PDZRN4: variants seen among roughly 807,000 people sequenced by gnomAD.
PDZRN4 encodes PDZ domain containing ring finger 4.
PDZRN4 carries 70 observed loss-of-function variants against 99.0 expected under a neutral mutation model. The observed-to-expected ratio is 0.71, with a 90% CI of 0.58 to 0.86. PDZRN4 has a LOEUF of 0.86. Among genes scored for constraint, PDZRN4 ranks in the 40% least tolerant of loss-of-function variants. The pLI is 0.00. For synonymous variants in PDZRN4, 551 were observed against 501.6 expected (o/e 1.10, Z -1.32); for missense variants, 1,474 against 1,331.2 (o/e 1.11, Z -1.67).
chr12:41,227,247 G>C (rs1004371856), intron 3 of PDZRN4, among the ~76,000 whole-genome samples: 6 of 152,256 alleles, frequency 3.9e-5, no homozygotes, highest in African/African-American at 1.4e-4. Flanking sequence ...GATTAAGTTT[G>C]AGGTTTGTTC....
chr12:41,540,331 G>A (rs1938826111), intron 5 of PDZRN4, among the ~76,000 whole-genome samples: 1 of 152,106 alleles, frequency 6.6e-6, no homozygotes, highest in Admixed American at 6.6e-5. Context: ...TGTATTTTAG[G>A]GGTGTTATAG....
chr12:41,471,183 T>C (rs1224888162), intron 3 of PDZRN4, among the ~76,000 whole-genome samples: 1 of 152,206 alleles, frequency 6.6e-6, no homozygotes, highest in African/African-American at 2.4e-5. Context: ...CAGCCTCCCT[T>C]AAGCAACTTA....
At chr12:41,525,852 A>C (rs763994385) in intron 5 of PDZRN4, among the ~76,000 whole-genome samples, 141 of 152,206 alleles carry the variant, frequency 9.3e-4, no homozygotes, top group Non-Finnish European at 1.3e-3. Flanking sequence ...TCAAAAAAAA[A>C]AATTCAAATT....
intron 5 of PDZRN4, among the ~76,000 whole-genome samples, chr12:41,545,012 C>T (rs1161233562): frequency 2.6e-5 from 4 of 152,222 alleles, no homozygotes; most frequent in Admixed American, 6.5e-5. Context: ...ACACTGCTTG[C>T]ATTCAAGCCC....
chr12:41,292,398 A>G (rs186306622), intron 3 of PDZRN4, among the ~76,000 whole-genome samples: 41 of 152,306 alleles, frequency 2.7e-4, no homozygotes, highest in Non-Finnish European at 5.4e-4. Flanking sequence ...AAGAGAAAAA[A>G]TGGCAAAGGT....
intron 3 of PDZRN4, among the ~76,000 whole-genome samples, chr12:41,303,929 C>G (rs1324789989): frequency 3.9e-5 from 6 of 152,134 alleles, no homozygotes; most frequent in Non-Finnish European, 8.8e-5. Context: ...TCATTTGACT[C>G]TTGTTTTAGT....
intron 3 of PDZRN4, among the ~76,000 whole-genome samples, chr12:41,206,571 G>A (rs1005838748): frequency 1.8e-4 from 27 of 150,064 alleles, no homozygotes; most frequent in African/African-American, 6.2e-4. Context: ...TTATTAAGGA[G>A]CTTAGAAATC....
At chr12:41,324,949 A>G (rs192348468) in intron 3 of PDZRN4, among the ~76,000 whole-genome samples, 1 of 152,170 alleles carries the variant, frequency 6.6e-6, no homozygotes, top group African/African-American at 2.4e-5. Flanking sequence ...ATTTGAAATT[A>G]CATATGTGGC....
At chr12:41,281,963 T>C (rs1395326429) in intron 3 of PDZRN4, among the ~76,000 whole-genome samples, 1 of 152,170 alleles carries the variant, frequency 6.6e-6, no homozygotes, top group Non-Finnish European at 1.5e-5. Flanking sequence ...AACTGCATCA[T>C]CTAATGGGCA....
chr12:41,229,518 C>A (rs187971768), intron 3 of PDZRN4, among the ~76,000 whole-genome samples: 1 of 152,150 alleles, frequency 6.6e-6, no homozygotes, highest in Admixed American at 6.6e-5. Context: ...TTGACCCAGA[C>A]CCCACTCCCT....
At chr12:41,380,804 AT>A (rs1952119581) in intron 3 of PDZRN4, among the ~76,000 whole-genome samples, 1 of 152,070 alleles carries the variant, frequency 6.6e-6, no homozygotes, top group East Asian at 1.9e-4. Flanking sequence ...ATCTAACTCT[AT>A]ATTTACCTTA....
chr12:41,222,663 T>G (rs1050420271), intron 3 of PDZRN4, among the ~76,000 whole-genome samples: 3 of 152,008 alleles, frequency 2.0e-5, no homozygotes, highest in African/African-American at 7.2e-5. Context: ...GGATTACAAT[T>G]ACAGGTGCAC....
chr12:41,416,516 G>A (rs1952446671), intron 3 of PDZRN4, among the ~76,000 whole-genome samples: 2 of 151,988 alleles, frequency 1.3e-5, no homozygotes, highest in African/African-American at 4.8e-5. Context: ...AGCTGTGGGG[G>A]CAGTCACCTG....
chr12:41,379,946 A>G (rs912355079), intron 3 of PDZRN4, among the ~76,000 whole-genome samples: 3 of 151,896 alleles, frequency 2.0e-5, no homozygotes, highest in Non-Finnish European at 2.9e-5. Flanking sequence ...TACTATTAAA[A>G]TTTCCTACTA....
chr12:41,223,408 C>G (rs1368476431), intron 3 of PDZRN4, among the ~76,000 whole-genome samples: 1 of 152,064 alleles, frequency 6.6e-6, no homozygotes, highest in East Asian at 1.9e-4. Flanking sequence ...TCTCCCCCTA[C>G]CCAGCCCATC....
At chr12:41,420,477 T>G (rs1289074664) in intron 3 of PDZRN4, among the ~76,000 whole-genome samples, 1 of 152,116 alleles carries the variant, frequency 6.6e-6, no homozygotes, top group Admixed American at 6.6e-5. Flanking sequence ...GTCCCATTCC[T>G]CATTCAACTC....
chr12:41,224,395 C>G (rs1591974989), intron 3 of PDZRN4, among the ~76,000 whole-genome samples: 1 of 152,140 alleles, frequency 6.6e-6, no homozygotes, highest in African/African-American at 2.4e-5. Flanking sequence ...TTTTTTGTTG[C>G]AGTCTTGTAC....
At chr12:41,515,661 T>C (rs1460875420) in intron 5 of PDZRN4, among the ~76,000 whole-genome samples, 5 of 152,044 alleles carry the variant, frequency 3.3e-5, no homozygotes, top group Admixed American at 6.6e-5. Flanking sequence ...AGTGATCATA[T>C]ATCGGAGCTA....
At chr12:41,282,322 C>T (rs1951391809) in intron 3 of PDZRN4, among the ~76,000 whole-genome samples, 1 of 152,166 alleles carries the variant, frequency 6.6e-6, no homozygotes, top group Non-Finnish European at 1.5e-5. Flanking sequence ...GAAGAGCTAA[C>T]TATCCTAAAT....
Sources: gnomAD v4.1 joint callset for allele counts (sites outside exome capture counted in the v4.1 genomes callset) on GRCh38, gnomAD v4.1.1 for gene constraint, MANE v1.5 for transcripts, NCBI Gene and HGNC (gene_info 2026-07-23, HGNC 2026-07-21) for gene names.